Variants in MYB observed in about 807,000 individuals in gnomAD.
MYB encodes the protein MYB proto-oncogene, transcription factor.
MYB carries 28 observed loss-of-function variants against 92.9 expected under a neutral mutation model. The ratio of observed to expected loss-of-function variants is 0.30; its 90% confidence interval spans 0.22 to 0.41. The LOEUF is 0.41. MYB is among the 10% of genes least tolerant of loss of function. The pLI is 1.00. For synonymous variants in MYB, 295 were observed against 329.1 expected, an observed-to-expected ratio of 0.90 and a Z score of 1.12; for missense variants, 679 against 929.3, an observed-to-expected ratio of 0.73 and a Z score of 3.50.
At chr6:135,205,264 T>C (rs1334284931) in intron 15 of MYB, among the ~76,000 whole-genome samples, 1 of 151,944 alleles carries the variant, frequency 6.6e-6, no homozygotes, top group Non-Finnish European at 1.5e-5. Context: ...CCACCTAAGT[T>C]ACTTGGCTCT....
Position 135,190,057 on chromosome 6 carries a change from C to A in MYB, c.307-70C>A. ...GAAATTTTCTAAAGATCTTGTAACA[C>A]TGAAGAATGATTATACTGACTCATT... On this transcript the variant is annotated intron_variant, in intron 4 of 15. Coordinates refer to ENST00000341911, the MANE Select transcript of MYB (RefSeq NM_001130173.2). This position sits in a 1 kb window ranked among gnomAD's most constrained non-coding sequence, Gnocchi z 4.5. 1.3e-6 allele frequency: 2 copies of A among 1,537,938 alleles called. No individual in the cohort carries two copies. Among genetic ancestry groups the A allele is most frequent in the Admixed American group, 1.8e-5 (1 of 55,648 alleles).
chr6:135,193,799 C>T (rs368076039), intron 6 of MYB, 39 bp from the exon 7 acceptor site: 8 of 1,439,412 alleles, frequency 5.6e-6, no homozygotes, highest in Admixed American at 1.7e-5. Flanking sequence ...CATATGTAGC[C>T]CTGAATGACG....
At chr6:135,191,612 C>T (rs943222161) in intron 5 of MYB, among the ~76,000 whole-genome samples, 1 of 152,132 alleles carries the variant, frequency 6.6e-6, no homozygotes, top group African/African-American at 2.4e-5. Context: ...CATACATTCC[C>T]CCACCCCCAT....
chr6:135,198,039 G>A (rs1472120402), intron 10 of MYB, among the ~76,000 whole-genome samples: 1 of 152,014 alleles, frequency 6.6e-6, no homozygotes, highest in Non-Finnish European at 1.5e-5. Flanking sequence ...AGATAATTTG[G>A]CACTTTAAAA....
Position 135,190,280 on chromosome 6 carries a change from A to T in MYB, c.460A>T (p.Ile154Phe). ...CTCCTGGACAGAAGAGGAAGACAGA[A>T]TTATTTACCAGGCACACAAGAGACT... ...KTSWTEEEDR[I>F]IYQAHKRLGN... is the part of the protein sequence containing the mutation. Residue 154 changes from isoleucine (I) to phenylalanine (F), a missense_variant, in exon 5 of 16, where the codon ATT becomes TTT. This residue lies in a region of MYB where 37 missense variants were observed against 98.0 expected (regional missense o/e 0.38). Transcript: ENST00000341911. This position sits in a 1 kb window ranked among gnomAD's most constrained non-coding sequence, Gnocchi z 4.5. 1 of 1,614,218 alleles carries T rather than the reference A, an allele frequency of 6.2e-7. No homozygotes were observed. The highest frequency in any genetic ancestry group is 8.5e-7 in the Non-Finnish European group (1 of 1,180,026).
At position 135,195,990 on chromosome 6, in the gene MYB, A is replaced by G; in HGVS notation, c.1191A>G (p.Gln397=). 1.9e-6 allele frequency: 3 copies of G among 1,612,874 alleles called. No homozygotes were observed. Among genetic ancestry groups the G allele is most frequent in the South Asian group, 1.1e-5 (1 of 91,076 alleles). Residue 397 remains glutamine (Q), a synonymous_variant, in exon 9 of 16, where the codon CAA becomes CAG. Coordinates refer to ENST00000341911, the MANE Select transcript of MYB (RefSeq NM_001130173.2). The part of the protein sequence containing the change: ...KNLLEFAETL[Q]FIDSDSSSWC... The stretch of plus-strand genomic sequence containing the variant: ...TCTTAGAATTTGCAGAAACACTCCA[A>G]TTTATAGATTCTGTAAGTAGAATTG...
At chr6:135,199,962 C>A in intron 11 of MYB, 123 bp from the exon 12 acceptor site, 1 of 740,924 alleles carries the variant, frequency 1.3e-6, no homozygotes, top group South Asian at 1.7e-5. Context: ...ATCAGCACAC[C>A]CCAATTCCAT....
At chr6:135,195,249 A>C in intron 8 of MYB, 1 of 416,104 alleles carries the variant, frequency 2.4e-6, no homozygotes, top group Non-Finnish European at 4.0e-6. Context: ...TTTCCTAACC[A>C]CGTTGATTTG....
At position 135,218,700 on chromosome 6, in the gene MYB, A is replaced by C. The variant is rs1288203438; in HGVS notation, c.*720A>C. 2 of 194,640 alleles carry C rather than the reference A, an allele frequency of 1.0e-5. No individual in the cohort carries two copies. Among genetic ancestry groups the C allele is most frequent in the Non-Finnish European group, 2.1e-5 (2 of 93,192 alleles). 12.1% of individuals were successfully genotyped at this position (194,640 alleles called of 1,614,324 possible). ...GAGGGGCAGTAGAGCTTGGACAGAAAGAAAAGAAACTTGGTGTTAGGTAAT... is the reference window on the plus strand; with the variant it reads ...GAGGGGCAGTAGAGCTTGGACAGAACGAAAAGAAACTTGGTGTTAGGTAAT... On this transcript the variant is annotated 3_prime_UTR_variant, in exon 16 of 16. Coordinates refer to ENST00000341911, the MANE Select transcript of MYB (RefSeq NM_001130173.2).
chr6:135,217,834 C>T (rs199969219), intron 15 of MYB, 30 bp from the exon 16 acceptor site: 220 of 1,471,702 alleles, frequency 1.5e-4, no homozygotes, highest in Middle Eastern at 3.5e-4. Flanking sequence ...CTTTGTCTGA[C>T]GCTCCTGTTG....
chr6:135,206,853 G>T (rs555807280), intron 15 of MYB, among the ~76,000 whole-genome samples: 2 of 152,296 alleles, frequency 1.3e-5, no homozygotes, highest in African/African-American at 4.8e-5. Context: ...TTCATTTTAT[G>T]TCATGGAGTT....
At chr6:135,215,187 G>A (rs1239058680) in intron 15 of MYB, among the ~76,000 whole-genome samples, 1 of 152,194 alleles carries the variant, frequency 6.6e-6, no homozygotes, top group Non-Finnish European at 1.5e-5. Context: ...AGGAAACTTT[G>A]TTGCAGCAAC....
chr6:135,194,864 A>G (rs1320909392), intron 8 of MYB: 2 of 1,118,446 alleles, frequency 1.8e-6, no homozygotes, highest in Non-Finnish European at 1.2e-6. Context: ...TTCAGACATG[A>G]TTTGATGCAT....
intron 7 of MYB, 126 bp from the exon 8 acceptor site, chr6:135,194,230 T>C: frequency 1.5e-6 from 1 of 689,366 alleles, no homozygotes; most frequent in South Asian, 1.9e-5. Flanking sequence ...CAAATTTGGT[T>C]GGTGGTGTTG....
Position 135,200,363 on chromosome 6 carries a change from T to C in MYB, c.1898T>C (p.Val633Ala). Residue 633 changes from valine to alanine, a missense_variant, in exon 13 of 16, where the codon GTT becomes GCT. By Grantham distance (64) the Val-to-Ala change is moderately conservative. Coordinates refer to ENST00000341911, the MANE Select transcript of MYB (RefSeq NM_001130173.2). ...CAGGAATCTGATGAATCTGGAATTG[T>C]TGCTGAGTTTCAAGAAAATGGACCA... ...IKQESDESGI[V>A]AEFQENGPPL... 1.9e-6 allele frequency: 3 copies of C among 1,614,142 alleles called. No individual in the cohort carries two copies. The East Asian group carries it at 6.7e-5, about 36-fold the overall frequency.
intron 15 of MYB, among the ~76,000 whole-genome samples, chr6:135,208,081 A>ATTTTTTTTTTAT (rs562573028): frequency 1.5e-5 from 2 of 135,542 alleles, no homozygotes; most frequent in Non-Finnish European, 1.6e-5. Flanking sequence ...TTTTTTTTTA[A>ATTTTTTTTTTAT]TTTTTTTTTT....
intron 15 of MYB, among the ~76,000 whole-genome samples, chr6:135,211,943 G>C (rs1779761875): frequency 6.6e-6 from 1 of 152,100 alleles, no homozygotes; most frequent in Admixed American, 6.5e-5. Context: ...TCTTACCTTA[G>C]CAACATTTCA....
At chr6:135,195,268 T>G in intron 8 of MYB, 1 of 351,732 alleles carries the variant, frequency 2.8e-6, no homozygotes, top group Non-Finnish European at 5.2e-6. Context: ...TGGCAGTGCT[T>G]CACTGCATCA....
At chr6:135,194,573 A>T in intron 8 of MYB, 113 bp downstream of exon 8, 1 of 723,544 alleles carries the variant, frequency 1.4e-6, no homozygotes, top group Non-Finnish European at 2.3e-6. Context: ...ATCCATTCAG[A>T]ATGTCTCAAC....
Sources: allele counts gnomAD v4.1 joint callset (sites outside exome capture counted in the v4.1 genomes callset), GRCh38; gene constraint gnomAD v4.1.1; regional missense constraint gnomAD v4.1.1; non-coding constraint Gnocchi (gnomAD v3.1); transcripts MANE v1.5; gene names NCBI Gene and HGNC (gene_info 2026-07-23, HGNC 2026-07-21).